The following MYO1D variants were observed in gnomAD, a reference collection of about 807,000 sequenced individuals.
MYO1D encodes myosin ID.
In MYO1D, 83 loss-of-function variants were observed where a neutral mutation model predicts 122.0. The ratio of observed to expected loss-of-function variants is 0.68; its 90% CI spans 0.57 to 0.82. MYO1D has a LOEUF of 0.82. Ranked by LOEUF, MYO1D falls within the 40% of genes least tolerant of loss-of-function variation. The probability of loss-of-function intolerance (pLI) is 0.00; values close to 1 mark genes in which losing one functional copy is unlikely to be tolerated. For missense variants in MYO1D, 1,157 were observed against 1,269.5 expected (o/e 0.91, Z 1.35); for synonymous variants, 464 against 446.9 (o/e 1.04, Z -0.48).
At chr17:32,605,859 T>A (rs566327011) in intron 20 of MYO1D, among the ~76,000 whole-genome samples, 1 of 152,132 alleles carries the variant, frequency 6.6e-6, no homozygotes, top group African/African-American at 2.4e-5. Flanking sequence ...GGCGGGCGGA[T>A]TGCCTGAGCT....
chr17:32,737,815 T>C (rs1269260680), intron 14 of MYO1D, among the ~76,000 whole-genome samples: 2 of 152,242 alleles, frequency 1.3e-5, no homozygotes, highest in Admixed American at 6.5e-5. Flanking sequence ...GGACAATACT[T>C]GCATCCTAAA....
At chr17:32,817,031 G>A (rs1375641557) in intron 1 of MYO1D, among the ~76,000 whole-genome samples, 1 of 152,060 alleles carries the variant, frequency 6.6e-6, no homozygotes, top group Non-Finnish European at 1.5e-5. Context: ...ATTTAATGAG[G>A]TACTAGATGT....
intron 21 of MYO1D, among the ~76,000 whole-genome samples, chr17:32,519,575 G>T (rs1415538897): frequency 2.0e-5 from 3 of 151,790 alleles, no homozygotes; most frequent in Non-Finnish European, 1.5e-5. Context: ...GCCCGAGCCC[G>T]AGCGCCAGCG....
chr17:32,876,792 G>C lies in MYO1D; in HGVS notation c.81C>G (p.Ala27=). ...MDTVSMPEFM[A]NLRLRFEKGR... Reference sequence around the variant, plus strand: ...TCCGCCCTCACCTGAGCCTGAGGTTGGCCATGAACTCGGGCATGGAGACGG... The same window carrying C: ...TCCGCCCTCACCTGAGCCTGAGGTTCGCCATGAACTCGGGCATGGAGACGG... Residue 27 remains alanine, a synonymous_variant, in exon 1 of 22, where the codon GCC becomes GCG. Transcript: ENST00000318217. The C allele has an allele frequency of 6.6e-7, 1 of 1,515,622 alleles. No homozygotes were observed. Among genetic ancestry groups the C allele is most frequent in the Non-Finnish European group, 8.8e-7 (1 of 1,131,986 alleles). The allele number at this position is 1,515,622 out of a possible 1,614,324, so 93.9% of individuals were successfully genotyped here.
chr17:32,603,793 G>A (rs1191966458), intron 21 of MYO1D, among the ~76,000 whole-genome samples: 5 of 152,070 alleles, frequency 3.3e-5, no homozygotes, highest in African/African-American at 2.4e-5. Context: ...CCAAAGTGCT[G>A]GGATTACAGG....
chr17:32,860,251 T>A (rs945615894), intron 1 of MYO1D, among the ~76,000 whole-genome samples: 1 of 152,226 alleles, frequency 6.6e-6, no homozygotes, highest in Non-Finnish European at 1.5e-5. Context: ...AGAACCTCTC[T>A]TATCATTAGC....
chr17:32,556,524 C>T (rs1216671799), intron 21 of MYO1D, among the ~76,000 whole-genome samples: 3 of 151,344 alleles, frequency 2.0e-5, no homozygotes, highest in African/African-American at 4.9e-5. Flanking sequence ...CACTGTAAAC[C>T]GTGCAGACAC....
intron 21 of MYO1D, among the ~76,000 whole-genome samples, chr17:32,507,340 G>T (rs556154298): frequency 6.6e-6 from 1 of 152,168 alleles, no homozygotes; most frequent in Non-Finnish European, 1.5e-5. Flanking sequence ...GGAGGTTGAG[G>T]CTGCAGTGAG....
chr17:32,517,996 C>T (rs926466623), intron 21 of MYO1D, among the ~76,000 whole-genome samples: 2 of 151,512 alleles, frequency 1.3e-5, no homozygotes, highest in African/African-American at 4.8e-5. Context: ...CTCTGGACAG[C>T]ACCTGGCCCG....
At chr17:32,765,115 A>T in intron 7 of MYO1D, 34 bp from the exon 8 acceptor site, 1 of 1,511,702 alleles carries the variant, frequency 6.6e-7, no homozygotes, top group Non-Finnish European at 9.2e-7. Flanking sequence ...ACACATTATG[A>T]AACATTATGT....
chr17:32,648,894 T>A (rs2088340738), intron 19 of MYO1D, among the ~76,000 whole-genome samples: 1 of 152,236 alleles, frequency 6.6e-6, no homozygotes, highest in African/African-American at 2.4e-5. Flanking sequence ...CATTGAGATT[T>A]TTTTTTATAA....
Position 32,724,654 on chromosome 17 carries a change from C to T in MYO1D, c.1747-3465G>A, listed in dbSNP as rs149335042. The stretch of plus-strand genomic sequence containing the variant: ...ATGGGCCTAGTGGGACAAAGATTAG[C>T]GAGCAAGGCCTGAAAAGGAGGGGAC... On this transcript the variant is annotated intron_variant, in intron 14 of 21. Transcript: ENST00000318217. Among the ~76,000 whole-genome samples, 576 of 152,130 alleles carry T rather than the reference C, an allele frequency of 3.8e-3. 2 individuals are homozygous for T. The highest frequency in any genetic ancestry group is 0.013 in the African/African-American group (551 of 41,498).
chr17:32,625,073 G>A (rs1318189669), intron 20 of MYO1D, among the ~76,000 whole-genome samples: 3 of 152,206 alleles, frequency 2.0e-5, no homozygotes, highest in Non-Finnish European at 4.4e-5. Flanking sequence ...TTACAGGCGT[G>A]AGCCACTGTG....
At chr17:32,641,678 T>C (rs1597962953) in intron 19 of MYO1D, among the ~76,000 whole-genome samples, 1 of 152,272 alleles carries the variant, frequency 6.6e-6, no homozygotes, top group East Asian at 1.9e-4. Flanking sequence ...ATTTCTCTGA[T>C]GGCCGGTGAT....
intron 21 of MYO1D, among the ~76,000 whole-genome samples, chr17:32,515,341 T>C (rs1360587410): frequency 1.3e-5 from 2 of 152,182 alleles, no homozygotes; most frequent in African/African-American, 4.8e-5. Context: ...TGACATAGAG[T>C]CTCGCCCAGT....
chr17:32,802,113 G>T (rs2090466198), intron 1 of MYO1D, among the ~76,000 whole-genome samples: 1 of 152,168 alleles, frequency 6.6e-6, no homozygotes, highest in Admixed American at 6.5e-5. Flanking sequence ...ACAGACCAAT[G>T]GGAATGAACT....
intron 6 of MYO1D, among the ~76,000 whole-genome samples, chr17:32,769,476 T>C (rs949939751): frequency 6.6e-6 from 1 of 152,162 alleles, no homozygotes; most frequent in African/African-American, 2.4e-5. Context: ...AATTGGGTCT[T>C]CTCCTACTTG....
intron 11 of MYO1D, among the ~76,000 whole-genome samples, chr17:32,751,058 G>A (rs975320891): frequency 3.3e-5 from 5 of 151,914 alleles, no homozygotes; most frequent in African/African-American, 1.2e-4. Context: ...AACACAGGAG[G>A]TTTTAGATTT....
intron 16 of MYO1D, among the ~76,000 whole-genome samples, chr17:32,661,083 G>GA (rs1295457486): frequency 6.6e-6 from 1 of 151,788 alleles, no homozygotes; most frequent in East Asian, 1.9e-4. Flanking sequence ...TTAGCAAATT[G>GA]AAAAAAACAT....
Sources: gnomAD v4.1 joint callset for allele counts (sites outside exome capture counted in the v4.1 genomes callset) on GRCh38, gnomAD v4.1.1 for gene constraint, MANE v1.5 for transcripts, NCBI Gene and HGNC (gene_info 2026-07-23, HGNC 2026-07-21) for gene names.